UNC13C: variants seen among roughly 807,000 people sequenced by gnomAD.
UNC13C encodes unc-13 homolog C, also known as protein unc-13 homolog C.
In UNC13C, 174 loss-of-function variants were observed where a neutral mutation model predicts 245.4. That is an observed-to-expected ratio of 0.71 (90% CI 0.63 to 0.80). UNC13C has a LOEUF of 0.80. Ranked by LOEUF, UNC13C falls within the 30% of genes least tolerant of loss-of-function variation. The pLI, the probability that UNC13C is intolerant of heterozygous loss-of-function variation, is 0.00. For synonymous variants in UNC13C, 992 were observed against 895.1 expected (o/e 1.11, Z -1.93); for missense variants, 2,829 against 2,602.9 (o/e 1.09, Z -1.89).
chr15:54,592,114 C>G (rs759438141), intron 30 of UNC13C, among the ~76,000 whole-genome samples: 21 of 151,998 alleles, frequency 1.4e-4, no homozygotes, highest in Non-Finnish European at 2.4e-4. Context: ...TTTGAAAGTT[C>G]CTTTTGGAGT....
At chr15:54,336,834 C>T (rs1174574573) in intron 16 of UNC13C, among the ~76,000 whole-genome samples, 1 of 152,028 alleles carries the variant, frequency 6.6e-6, no homozygotes, top group East Asian at 1.9e-4. Flanking sequence ...ATTGTTTGTA[C>T]ATCCACCACT....
chr15:53,903,161 A>G, the UNC13C span, among the ~76,000 whole-genome samples: 1 of 152,360 alleles, frequency 6.6e-6, no homozygotes, highest in East Asian at 1.9e-4. Context: ...GGTGACATAT[A>G]GATATTTGTC....
chr15:54,060,237 C>G (rs903675254), intron 2 of UNC13C, among the ~76,000 whole-genome samples: 1 of 152,122 alleles, frequency 6.6e-6, no homozygotes, highest in Non-Finnish European at 1.5e-5. Context: ...GGGCTAATAT[C>G]CAGAATCTAC....
chr15:54,128,597 T>C (rs1188408058), intron 2 of UNC13C, among the ~76,000 whole-genome samples: 9 of 152,214 alleles, frequency 5.9e-5, no homozygotes, highest in African/African-American at 2.2e-4. Flanking sequence ...TTTAAGACTT[T>C]GGATCTTATT....
At chr15:54,220,906 C>A (rs1371669685) in intron 4 of UNC13C, among the ~76,000 whole-genome samples, 1 of 151,848 alleles carries the variant, frequency 6.6e-6, no homozygotes, top group Admixed American at 6.6e-5. Context: ...TAGTGGTTTG[C>A]TACTTGGGAT....
At chr15:53,924,363 T>C in the UNC13C span, among the ~76,000 whole-genome samples, 1 of 152,206 alleles carries the variant, frequency 6.6e-6, no homozygotes, top group East Asian at 1.9e-4. Context: ...AGCTCTTCAT[T>C]TGTAAAAAGG....
intron 1 of UNC13C, among the ~76,000 whole-genome samples, chr15:53,990,339 A>G (rs2725595): frequency 0.99 from 149,779 of 152,010 alleles, 73,823 homozygotes; most frequent in East Asian, 1. Context: ...GAATTATAAA[A>G]CTTTCAAAAA....
chr15:53,898,632 GT>G, the UNC13C span, among the ~76,000 whole-genome samples: 62 of 152,146 alleles, frequency 4.1e-4, 1 homozygote, highest in East Asian at 0.012. Flanking sequence ...TTAAAGTTAG[GT>G]TTTTATTCTG....
intron 4 of UNC13C, among the ~76,000 whole-genome samples, chr15:54,166,742 G>GTGT (rs2033175445): frequency 6.6e-6 from 1 of 152,042 alleles, no homozygotes; most frequent in Non-Finnish European, 1.5e-5. Context: ...TCATATAATT[G>GTGT]TATCACAACA....
intron 32 of UNC13C, among the ~76,000 whole-genome samples, chr15:54,625,560 C>T (rs1167285853): frequency 6.6e-6 from 1 of 152,074 alleles, no homozygotes; most frequent in Non-Finnish European, 1.5e-5. Context: ...AATAATCTAA[C>T]CTAGGAATGG....
intron 2 of UNC13C, among the ~76,000 whole-genome samples, chr15:54,034,946 G>A (rs1305581809): frequency 6.6e-6 from 1 of 152,122 alleles, no homozygotes; most frequent in Non-Finnish European, 1.5e-5. Context: ...TGTGGCCTAG[G>A]AGTCTGAAAC....
At chr15:54,475,480 C>T (rs1465161171) in intron 19 of UNC13C, among the ~76,000 whole-genome samples, 1 of 151,658 alleles carries the variant, frequency 6.6e-6, no homozygotes, top group East Asian at 2.0e-4. Context: ...ACAACAGTCC[C>T]CAGACTGTGA....
intron 4 of UNC13C, among the ~76,000 whole-genome samples, chr15:54,205,801 A>T (rs572867521): frequency 6.6e-6 from 1 of 152,196 alleles, no homozygotes; most frequent in South Asian, 2.1e-4. Context: ...CACAGCACAC[A>T]TCTCAGAGTT....
chr15:54,632,031 C>T (rs1901465987), downstream of UNC13C: 1 of 152,130 alleles, frequency 6.6e-6, no homozygotes, highest in African/African-American at 2.4e-5. Context: ...AGTTCTTCTT[C>T]TGATATACAC....
the UNC13C span, among the ~76,000 whole-genome samples, chr15:53,897,373 C>T: frequency 1.3e-5 from 2 of 152,210 alleles, no homozygotes; most frequent in African/African-American, 4.8e-5. Context: ...TCTCATTATA[C>T]TACTTGATGC....
rs1247028358 is a variant in UNC13C, at chr15:54,300,226, T to C, written c.4121T>C (p.Leu1374Ser). 6.2e-7 allele frequency: 1 copy of C among 1,600,184 alleles called. No individual in the cohort carries two copies. ...TCLHENLFHY[L>S]TEVKSNGGVK... ...TGCTTTTAGAATCTGTTCCATTACT[T>C]GACTGAAGTGAAATCTAATGGTGGA... Residue 1374 changes from leucine (L) to serine (S), a missense_variant, in exon 13 of 33, where the codon TTG becomes TCG. Transcript: ENST00000260323.
intron 32 of UNC13C, among the ~76,000 whole-genome samples, chr15:54,624,497 C>T (rs1901013669): frequency 6.6e-6 from 1 of 152,022 alleles, no homozygotes. Flanking sequence ...CCAAGTGAGG[C>T]CAAGGTACAG....
chr15:54,414,929 T>G (rs1250598301), intron 18 of UNC13C, 53 bp from the exon 19 acceptor site: 1 of 1,425,178 alleles, frequency 7.0e-7, no homozygotes, highest in African/African-American at 1.4e-5. Context: ...TGTATTTTGG[T>G]TTTTAGGCAT....
chr15:54,050,337 A>G lies in UNC13C; in HGVS notation c.2983+34451A>G, dbSNP rs1013923897. On this transcript the variant is annotated intron_variant, in intron 2 of 32. Coordinates refer to ENST00000260323, the MANE Select transcript of UNC13C (RefSeq NM_001080534.3). ...AGAACATTTTCTGAATCAGGACCCC[A>G]CACTACTGAATACCATTCCTCAGAA... 6 of 570,216 alleles carry G rather than the reference A, an allele frequency of 1.1e-5. No homozygotes were observed. In the African/African-American group the frequency reaches 1.1e-4, roughly 11 times the overall value. 35.3% of individuals were successfully genotyped at this position (570,216 alleles called of 1,614,324 possible).
Sources: allele counts gnomAD v4.1 joint callset (sites outside exome capture counted in the v4.1 genomes callset), GRCh38; gene constraint gnomAD v4.1.1; transcripts MANE v1.5; gene names NCBI Gene and HGNC (gene_info 2026-07-23, HGNC 2026-07-21).